NCOA1: variants seen among roughly 807,000 people sequenced by gnomAD.
The protein encoded by NCOA1 is nuclear receptor coactivator 1, also known as Hin-2 protein.
Under a neutral mutation model 150.9 loss-of-function variants are expected in NCOA1, and 35 were observed. That is an observed-to-expected ratio of 0.23 (90% CI 0.18 to 0.31). NCOA1 has a LOEUF of 0.31. NCOA1 is among the 10% of genes least tolerant of loss of function. NCOA1 has a pLI of 1.00. For missense variants in NCOA1, 1,491 were observed against 1,749.3 expected, an observed-to-expected ratio of 0.85 and a Z score of 2.63; for synonymous variants, 590 against 630.0, an observed-to-expected ratio of 0.94 and a Z score of 0.95.
intron 1 of NCOA1, among the ~76,000 whole-genome samples, chr2:24,545,779 T>C (rs964859733): frequency 6.6e-6 from 1 of 152,194 alleles, no homozygotes; most frequent in Non-Finnish European, 1.5e-5. Context: ...ATTTATTCTG[T>C]GTTTTTATTA....
intron 3 of NCOA1, among the ~76,000 whole-genome samples, chr2:24,640,065 C>T (rs1327162805): frequency 6.6e-6 from 1 of 150,434 alleles, no homozygotes; most frequent in Non-Finnish European, 1.5e-5. Flanking sequence ...ATTTCCATTG[C>T]ATTTTCTTCT....
chr2:24,541,695 G>C (rs1292520038), intron 1 of NCOA1, among the ~76,000 whole-genome samples: 2 of 152,198 alleles, frequency 1.3e-5, no homozygotes, highest in African/African-American at 4.8e-5. Context: ...TTTTAACACT[G>C]ATCTAAATAA....
intron 22 of NCOA1, chr2:24,767,919 TG>T: frequency 1.6e-6 from 1 of 620,936 alleles, no homozygotes; most frequent in African/African-American, 1.8e-5. Flanking sequence ...ACTCTGAAAC[TG>T]GGCTTCTCCC....
intron 11 of NCOA1, among the ~76,000 whole-genome samples, chr2:24,702,024 A>T (rs929430529): frequency 1.4e-4 from 22 of 152,214 alleles, no homozygotes; most frequent in Admixed American, 4.6e-4. Flanking sequence ...AAAGAAAAAA[A>T]ATATATCATG....
intron 22 of NCOA1, chr2:24,767,789 C>A: frequency 3.0e-6 from 1 of 332,154 alleles, no homozygotes; most frequent in Non-Finnish European, 5.5e-6. Context: ...GGTTGAAAGC[C>A]CTTTAATTTT....
chr2:24,732,645 A>G (rs1663075760), intron 17 of NCOA1, among the ~76,000 whole-genome samples: 1 of 152,192 alleles, frequency 6.6e-6, no homozygotes, highest in African/African-American at 2.4e-5. Context: ...AGCATAGTAA[A>G]ACAATAAAGA....
chr2:24,642,330 TATATA>T (rs1670269776), intron 3 of NCOA1, among the ~76,000 whole-genome samples: 1 of 148,408 alleles, frequency 6.7e-6, no homozygotes, highest in Non-Finnish European at 1.5e-5. Flanking sequence ...TATATATATA[TATATA>T]TTTTTTAAAA....
rs1179639251 is a variant in NCOA1 at position 24,560,260 on chromosome 2, C to A, written c.-395-4035C>A. On this transcript the variant is annotated intron_variant, in intron 1 of 22. Coordinates refer to ENST00000348332, the MANE Select transcript of NCOA1 (RefSeq NM_003743.5). ...TTCTTATACTGTTGTATAGTGGCCA[C>A]TTCTTTTTCTGTGACCTGCCAGAGG... Among the ~76,000 whole-genome samples, 8 of 152,100 alleles carry A rather than the reference C, an allele frequency of 5.3e-5. 1 individual carries two copies. The highest frequency in any genetic ancestry group is 4.6e-4 in the Admixed American group (7 of 15,266).
chr2:24,553,332 C>T (rs1665943617), intron 1 of NCOA1, among the ~76,000 whole-genome samples: 1 of 151,884 alleles, frequency 6.6e-6, no homozygotes, highest in Admixed American at 6.6e-5. Context: ...GATTCTCCTG[C>T]CTCAGCCTCC....
intron 20 of NCOA1, 86 bp from the exon 21 acceptor site, chr2:24,757,887 C>A: frequency 1.6e-6 from 2 of 1,285,570 alleles, no homozygotes; most frequent in Non-Finnish European, 2.2e-6. Flanking sequence ...AAGGATGTAA[C>A]ATATTTTATT....
At chr2:24,491,625 G>T (rs1453446155) in intron 1 of NCOA1, among the ~76,000 whole-genome samples, 23 bp downstream of exon 1, 2 of 150,056 alleles carry the variant, frequency 1.3e-5, no homozygotes, top group Non-Finnish European at 3.0e-5. Context: ...CTGCGGGTGC[G>T]GAGCCTCCCG....
chr2:24,677,756 T>C (rs1217910143), intron 7 of NCOA1, among the ~76,000 whole-genome samples: 2 of 152,126 alleles, frequency 1.3e-5, no homozygotes, highest in Admixed American at 1.3e-4. Flanking sequence ...CAGTTCCACA[T>C]GGCTAGGGAA....
At chr2:24,525,344 C>T (rs1664602922) in intron 1 of NCOA1, among the ~76,000 whole-genome samples, 1 of 151,878 alleles carries the variant, frequency 6.6e-6, no homozygotes, top group Non-Finnish European at 1.5e-5. Flanking sequence ...TGGAAAGATG[C>T]ATATAAAATG....
At position 24,768,662 on chromosome 2, in the gene NCOA1, A is replaced by G. The variant is rs919080351; in HGVS notation, c.*271A>G. The G allele has an allele frequency of 3.9e-6, 1 of 258,726 alleles. No individual in the cohort carries two copies. The highest frequency in any genetic ancestry group is 2.2e-5 in the African/African-American group (1 of 45,718). 16.0% of individuals were successfully genotyped at this position (258,726 alleles called of 1,614,324 possible). A position where few individuals can be genotyped will look rare whatever the true frequency, so the allele number is the denominator to read the frequency against. On this transcript the variant is annotated 3_prime_UTR_variant, in exon 23 of 23. Coordinates refer to ENST00000348332, the MANE Select transcript of NCOA1 (RefSeq NM_003743.5). Reference sequence around the variant, plus strand: ...CAATCTATTTCTTGAGCCAAATTTAATTATTCTTATTTTTGTAATCAGTCA... The same window carrying G: ...CAATCTATTTCTTGAGCCAAATTTAGTTATTCTTATTTTTGTAATCAGTCA...
rs1572618047 is a variant in NCOA1, at chr2:24,705,239, A to G, written c.1097+6A>G. On this transcript the variant is annotated splice_donor_region_variant and intron_variant, in intron 12 of 22. Coordinates refer to ENST00000348332, the MANE Select transcript of NCOA1 (RefSeq NM_003743.5). ...GGAATTCATATCATCGACAGGTACT[A>G]CTTATTTGGAGAGCTTCATATGAAA... 1.2e-5 allele frequency: 20 copies of G among 1,613,270 alleles called. No individual in the cohort carries two copies. In the East Asian group the frequency reaches 4.5e-4, roughly 36 times the overall value.
chr2:24,732,780 C>T (rs1255010052), intron 17 of NCOA1, among the ~76,000 whole-genome samples: 4 of 152,024 alleles, frequency 2.6e-5, no homozygotes, highest in African/African-American at 9.7e-5. Flanking sequence ...CTTGGCATGC[C>T]ATGATTACAA....
Position 24,742,111 on chromosome 2 carries a change from G to A in NCOA1, c.3631G>A (p.Gly1211Arg). The change falls in exon 19 of 23, where the codon GGA becomes AGA. Residue 1211 changes from glycine to arginine, a missense_variant. Transcript: ENST00000348332. ...CAGCATGGTGAGCAGAGGCATGACA[G>A]GAAACATAGGAGGACAGTTTGGCAC... ...RNSMVSRGMTGNIGGQFGTGI... is the reference protein window; with the variant it reads ...RNSMVSRGMTRNIGGQFGTGI... 2 of 1,614,200 alleles carry A rather than the reference G, an allele frequency of 1.2e-6. No individual in the cohort carries two copies. The highest frequency in any genetic ancestry group is 2.2e-5 in the South Asian group (2 of 91,078).
chr2:24,727,043 CAGG>C (rs1674663918), intron 15 of NCOA1, among the ~76,000 whole-genome samples: 1 of 147,310 alleles, frequency 6.8e-6, no homozygotes. Flanking sequence ...GAGGCTGAGG[CAGG>C]AGAATTGCTT....
In NCOA1 at chr2:24,769,131, A is replaced by T. The variant is rs1163356354; in HGVS notation, c.*740A>T. ...GTGAGTTGTGTCAATTATTGTAGAT[A>T]CAATTTTCTGATTAAATCTGGAAAA... On this transcript the variant is annotated 3_prime_UTR_variant, in exon 23 of 23. Transcript: ENST00000348332. 1.4e-5 allele frequency: 3 copies of T among 207,840 alleles called. No individual in the cohort carries two copies. Among genetic ancestry groups the T allele is most frequent in the African/African-American group, 4.6e-5 (2 of 43,918 alleles). The allele number at this position is 207,840 out of a possible 1,614,324, so 12.9% of individuals were successfully genotyped here.
Sources: allele counts gnomAD v4.1 joint callset (sites outside exome capture counted in the v4.1 genomes callset), GRCh38; gene constraint gnomAD v4.1.1; transcripts MANE v1.5; gene names NCBI Gene and HGNC (gene_info 2026-07-23, HGNC 2026-07-21).